STK3: variants seen among roughly 807,000 people sequenced by gnomAD.
The protein encoded by STK3 is serine/threonine-protein kinase 3.
In STK3, 41 loss-of-function variants were observed where a neutral mutation model predicts 58.0. That is an observed-to-expected ratio of 0.71 (90% CI 0.55 to 0.92). STK3 has a LOEUF of 0.92. Ranked by LOEUF, STK3 falls within the 40% of genes least tolerant of loss-of-function variation. STK3 has a pLI of 0.00. For missense variants in STK3, 479 were observed against 602.7 expected, an observed-to-expected ratio of 0.79 and a Z score of 2.15; for synonymous variants, 170 against 191.0, an observed-to-expected ratio of 0.89 and a Z score of 0.91.
At chr8:98,369,717 G>C (rs1817593253), downstream of STK3, among the ~76,000 whole-genome samples, 1 of 152,172 alleles carries the variant, frequency 6.6e-6, no homozygotes, top group Non-Finnish European at 1.5e-5. Context: ...AAGAGGCTCT[G>C]TTGAGTCACT....
At chr8:98,466,542 G>A (rs1820476007) in intron 10 of STK3, among the ~76,000 whole-genome samples, 1 of 152,120 alleles carries the variant, frequency 6.6e-6, no homozygotes, top group Non-Finnish European at 1.5e-5. Context: ...GAAGGATGAT[G>A]TCTATATCTA....
intron 3 of STK3, among the ~76,000 whole-genome samples, chr8:98,752,429 T>G (rs903319089): frequency 6.6e-6 from 1 of 152,186 alleles, no homozygotes; most frequent in Non-Finnish European, 1.5e-5. Context: ...GACCCCTCCC[T>G]TATTATCATG....
chr8:98,386,057 GT>G (rs1174515735), intron 1 of STK3, among the ~76,000 whole-genome samples: 1 of 152,144 alleles, frequency 6.6e-6, no homozygotes, highest in Non-Finnish European at 1.5e-5. Flanking sequence ...AGCTCTGAAA[GT>G]TTGACAATAT....
intron 6 of STK3, among the ~76,000 whole-genome samples, chr8:98,690,708 A>G (rs1343885236): frequency 1.3e-5 from 2 of 152,192 alleles, no homozygotes; most frequent in Admixed American, 6.5e-5. Flanking sequence ...TCCAAAATTT[A>G]TATGGAACCA....
At chr8:98,903,399 C>T (rs954542698) in intron 1 of STK3, among the ~76,000 whole-genome samples, 6 of 151,840 alleles carry the variant, frequency 4.0e-5, no homozygotes, top group Non-Finnish European at 7.4e-5. Flanking sequence ...GAAGAGAATG[C>T]TCTTTTTAGT....
At chr8:98,601,869 C>T (rs1210675516) in intron 6 of STK3, among the ~76,000 whole-genome samples, 1 of 151,958 alleles carries the variant, frequency 6.6e-6, no homozygotes, top group Non-Finnish European at 1.5e-5. Flanking sequence ...ATCTTGTTGC[C>T]CATAAAGAAA....
intron 10 of STK3, 103 bp from the exon 11 acceptor site, chr8:98,456,103 T>C: frequency 8.6e-7 from 1 of 1,158,258 alleles, no homozygotes; most frequent in Admixed American, 2.8e-5. Flanking sequence ...TTAACATAAA[T>C]ATTTCAGCAA....
intron 6 of STK3, among the ~76,000 whole-genome samples, chr8:98,690,795 C>G (rs1563892832): frequency 6.6e-6 from 1 of 152,162 alleles, no homozygotes; most frequent in Non-Finnish European, 1.5e-5. Context: ...TGACTTCAAA[C>G]TATACTACAT....
At chr8:98,847,165 G>GT (rs1394481263) in intron 3 of STK3, among the ~76,000 whole-genome samples, 1 of 152,164 alleles carries the variant, frequency 6.6e-6, no homozygotes, top group African/African-American at 2.4e-5. Context: ...AGAGTTTGAG[G>GT]TTGCAGCACG....
intron 1 of STK3, among the ~76,000 whole-genome samples, chr8:98,787,212 GAT>G (rs1045161905): frequency 4.2e-5 from 5 of 118,454 alleles, no homozygotes; most frequent in Non-Finnish European, 9.0e-5. Context: ...TGAAGGAAGA[GAT>G]ATTTAATGAA....
chr8:98,647,410 T>C (rs1414379844), intron 6 of STK3, among the ~76,000 whole-genome samples: 1 of 152,234 alleles, frequency 6.6e-6, no homozygotes, highest in Non-Finnish European at 1.5e-5. Context: ...TTATATCTAT[T>C]GCCTCCTTCT....
At chr8:98,905,377 CA>C (rs2131965227) in intron 1 of STK3, 1 of 1,155,244 alleles carries the variant, frequency 8.7e-7, no homozygotes, top group East Asian at 2.3e-5. Context: ...CCATACTTCT[CA>C]AACTTGGCTT....
chr8:98,910,858 A>G (rs1489228480), intron 1 of STK3, among the ~76,000 whole-genome samples: 1 of 152,344 alleles, frequency 6.6e-6, no homozygotes, highest in East Asian at 1.9e-4. Context: ...AGTGCTCAAG[A>G]GAAAACTGAC....
chr8:98,424,356 C>T (rs1035110485), intron 3 of STK3, among the ~76,000 whole-genome samples: 7 of 152,194 alleles, frequency 4.6e-5, no homozygotes, highest in Non-Finnish European at 8.8e-5. Context: ...GACACAGGGC[C>T]CTAGTGTAGC....
At chr8:98,657,714 CAA>C (rs377123993) in intron 6 of STK3, among the ~76,000 whole-genome samples, 1 of 149,980 alleles carries the variant, frequency 6.7e-6, no homozygotes, top group Non-Finnish European at 1.5e-5. Flanking sequence ...TGCAAAAAAG[CAA>C]AAAAAAGAGT....
intron 3 of STK3, among the ~76,000 whole-genome samples, chr8:98,760,782 T>C (rs1830569705): frequency 6.6e-6 from 1 of 151,932 alleles, no homozygotes; most frequent in African/African-American, 2.4e-5. Context: ...ATCCTTTCCA[T>C]TTCCATCTTC....
intron 3 of STK3, among the ~76,000 whole-genome samples, chr8:98,417,111 G>A (rs866273959): frequency 2.6e-5 from 4 of 152,216 alleles, no homozygotes; most frequent in South Asian, 4.1e-4. Context: ...CTGAGTGCTG[G>A]GGAGGTGTTC....
At chr8:98,932,971 T>G (rs915844557) in intron 1 of STK3, among the ~76,000 whole-genome samples, 1 of 152,192 alleles carries the variant, frequency 6.6e-6, no homozygotes, top group Non-Finnish European at 1.5e-5. Flanking sequence ...GTCAGCTAGT[T>G]TGAGGAAATT....
chr8:98,377,217 A>T (rs1245665555), intron 2 of STK3, among the ~76,000 whole-genome samples: 2 of 152,164 alleles, frequency 1.3e-5, no homozygotes, highest in Non-Finnish European at 2.9e-5. Context: ...GTGATATGAT[A>T]CTCACCAGCA....
Sources: gnomAD v4.1 joint callset for allele counts (sites outside exome capture counted in the v4.1 genomes callset) on GRCh38, gnomAD v4.1.1 for gene constraint, MANE v1.5 for transcripts, NCBI Gene and HGNC (gene_info 2026-07-23, HGNC 2026-07-21) for gene names.